CSNK2A2IP: variants seen among roughly 807,000 people sequenced by gnomAD.
CSNK2A2IP encodes casein kinase 2 subunit alpha' interacting protein.
chr3:88,436,416 A>T, the CSNK2A2IP span, among the ~76,000 whole-genome samples: 2 of 151,884 alleles, frequency 1.3e-5, no homozygotes, highest in Non-Finnish European at 2.9e-5. Flanking sequence ...ATATAAATTA[A>T]TTTTTTTTGT....
chr3:88,439,986 AACTTCATTCC>A, the CSNK2A2IP span, among the ~76,000 whole-genome samples: 1 of 152,192 alleles, frequency 6.6e-6, no homozygotes, highest in Admixed American at 6.5e-5. Context: ...ATCCTGGTAG[AACTTCATTCC>A]ATTAACTGAC....
the CSNK2A2IP span, among the ~76,000 whole-genome samples, chr3:88,347,482 A>G: frequency 2.0e-5 from 3 of 152,048 alleles, no homozygotes; most frequent in Non-Finnish European, 2.9e-5. Context: ...AGCCATTCAC[A>G]TTGAGGCAAG....
At chr3:88,350,342 C>G in the CSNK2A2IP span, among the ~76,000 whole-genome samples, 1 of 152,108 alleles carries the variant, frequency 6.6e-6, no homozygotes, top group African/African-American at 2.4e-5. Flanking sequence ...TTTAACCCCT[C>G]ATGAAGACTT....
At chr3:88,389,675 C>T in the CSNK2A2IP span, among the ~76,000 whole-genome samples, 7 of 152,080 alleles carry the variant, frequency 4.6e-5, no homozygotes, top group African/African-American at 7.2e-5. Context: ...TGGAGCTTCT[C>T]GTGGCTTGCA....
the CSNK2A2IP span, among the ~76,000 whole-genome samples, chr3:88,454,220 C>A: frequency 6.6e-5 from 10 of 151,884 alleles, no homozygotes; most frequent in Non-Finnish European, 1.0e-4. Context: ...ACATCCCATT[C>A]CAAATCATCT....
chr3:88,358,334 T>G, the CSNK2A2IP span, among the ~76,000 whole-genome samples: 4 of 152,180 alleles, frequency 2.6e-5, no homozygotes, highest in Non-Finnish European at 4.4e-5. Context: ...TTCTTTCTCT[T>G]ATCTAATTAC....
the CSNK2A2IP span, among the ~76,000 whole-genome samples, chr3:88,338,796 A>G: frequency 6.6e-6 from 1 of 152,174 alleles, no homozygotes; most frequent in Admixed American, 6.6e-5. Flanking sequence ...TAAACCCAAC[A>G]TCTAAAAAAT....
the CSNK2A2IP span, among the ~76,000 whole-genome samples, chr3:88,459,388 A>T: frequency 6.6e-6 from 1 of 152,132 alleles, no homozygotes; most frequent in Non-Finnish European, 1.5e-5. Context: ...ATACGTATTT[A>T]CTCAGTAAGC....
chr3:88,465,767 T>A, the CSNK2A2IP span: 1 of 1,231,672 alleles, frequency 8.1e-7, no homozygotes, highest in Non-Finnish European at 1.0e-6. Context: ...GACCTCAACA[T>A]GACATCATCA....
the CSNK2A2IP span, among the ~76,000 whole-genome samples, chr3:88,420,419 A>T: frequency 6.6e-6 from 1 of 152,168 alleles, no homozygotes; most frequent in Non-Finnish European, 1.5e-5. Flanking sequence ...AATGAGATTA[A>T]TATCCCATCT....
chr3:88,404,851 C>T, the CSNK2A2IP span, among the ~76,000 whole-genome samples: 1 of 122,600 alleles, frequency 8.2e-6, no homozygotes, highest in Non-Finnish European at 1.9e-5. Flanking sequence ...TCTGAACCTT[C>T]TACCAGTCTA....
chr3:88,380,044 G>T, the CSNK2A2IP span, among the ~76,000 whole-genome samples: 4,745 of 152,082 alleles, frequency 0.031, 179 homozygotes, highest in African/African-American at 0.091. Flanking sequence ...TAAAAATGTT[G>T]TAAATGTATA....
the CSNK2A2IP span, among the ~76,000 whole-genome samples, chr3:88,414,724 G>T: frequency 1.3e-5 from 2 of 151,920 alleles, no homozygotes; most frequent in South Asian, 4.1e-4. Flanking sequence ...ATGACAGAAT[G>T]ACTGCAAAAT....
the CSNK2A2IP span, among the ~76,000 whole-genome samples, chr3:88,457,524 A>G: frequency 1.3e-5 from 2 of 151,736 alleles, no homozygotes; most frequent in South Asian, 4.2e-4. Context: ...GGTGAAACCC[A>G]GTCTCTACTA....
chr3:88,451,940 T>C, the CSNK2A2IP span, among the ~76,000 whole-genome samples: 5 of 152,076 alleles, frequency 3.3e-5, no homozygotes, highest in African/African-American at 1.2e-4. Flanking sequence ...TTTTTTGAAT[T>C]GAGTTTCCTA....
chr3:88,348,458 A>G, the CSNK2A2IP span, among the ~76,000 whole-genome samples: 2 of 152,192 alleles, frequency 1.3e-5, no homozygotes, highest in East Asian at 1.9e-4. Flanking sequence ...CAGAGGATGT[A>G]CAGGTAATCC....
At chr3:88,434,566 A>G in the CSNK2A2IP span, among the ~76,000 whole-genome samples, 1 of 152,158 alleles carries the variant, frequency 6.6e-6, no homozygotes, top group Non-Finnish European at 1.5e-5. Flanking sequence ...GGCCTCGACC[A>G]AGCATCTTCT....
At chr3:88,397,795 G>A in the CSNK2A2IP span, among the ~76,000 whole-genome samples, 1 of 151,250 alleles carries the variant, frequency 6.6e-6, no homozygotes, top group African/African-American at 2.4e-5. Context: ...ATCACAGTTT[G>A]AGGCATTTTA....
chr3:88,339,144 T>C, the CSNK2A2IP span, among the ~76,000 whole-genome samples: 3 of 152,092 alleles, frequency 2.0e-5, no homozygotes, highest in Non-Finnish European at 4.4e-5. Context: ...TATAGAACAC[T>C]AGATCTTATT....
Sources: gnomAD v4.1 joint callset for allele counts (sites outside exome capture counted in the v4.1 genomes callset) on GRCh38, gnomAD v4.1.1 for gene constraint, MANE v1.5 for transcripts, NCBI Gene and HGNC (gene_info 2026-07-23, HGNC 2026-07-21) for gene names.